Variants in DAPK1 observed in about 807,000 individuals in gnomAD.
DAPK1 encodes death associated protein kinase 1.
A neutral mutation model predicts 144.9 loss-of-function variants in DAPK1; 56 were observed. The observed-to-expected ratio is 0.39, with a 90% CI of 0.31 to 0.48. The LOEUF (loss-of-function observed/expected upper bound fraction) is 0.48. Ranked by LOEUF, DAPK1 falls within the 20% of genes least tolerant of loss-of-function variation. DAPK1 has a pLI of 0.95. For synonymous variants in DAPK1, 690 were observed against 749.0 expected, an observed-to-expected ratio of 0.92 and a Z score of 1.29; for missense variants, 1,454 against 1,875.4, an observed-to-expected ratio of 0.78 and a Z score of 4.15.
At chr9:87,602,309 TCACCAGCCAG>T (rs1407678718) in intron 2 of DAPK1, among the ~76,000 whole-genome samples, 1 of 152,084 alleles carries the variant, frequency 6.6e-6, no homozygotes. Flanking sequence ...TATCCCCTCC[TCACCAGCCAG>T]CACTTTTCGT....
At chr9:87,556,393 T>G (rs1434819766) in intron 2 of DAPK1, among the ~76,000 whole-genome samples, 3 of 152,232 alleles carry the variant, frequency 2.0e-5, no homozygotes, top group African/African-American at 7.2e-5. Context: ...TGTGTGTACC[T>G]GTACCCACTG....
intron 3 of DAPK1, among the ~76,000 whole-genome samples, chr9:87,605,956 G>A (rs1011531049): frequency 2.6e-5 from 4 of 152,198 alleles, no homozygotes; most frequent in African/African-American, 2.4e-5. Context: ...GGATGGAGGC[G>A]AGATGTGAGT....
chr9:87,555,653 G>A (rs1262861417), intron 2 of DAPK1, among the ~76,000 whole-genome samples: 1 of 152,008 alleles, frequency 6.6e-6, no homozygotes, highest in Non-Finnish European at 1.5e-5. Flanking sequence ...ACAGGCATGC[G>A]CCACCACGCC....
intron 19 of DAPK1, among the ~76,000 whole-genome samples, chr9:87,680,538 A>G (rs1170564207): frequency 2.0e-5 from 3 of 152,242 alleles, no homozygotes; most frequent in African/African-American, 4.8e-5. Context: ...GCTATTTAAC[A>G]GTAAGATAAG....
chr9:87,499,542 T>C (rs1283346704), intron 2 of DAPK1, among the ~76,000 whole-genome samples: 1 of 152,242 alleles, frequency 6.6e-6, no homozygotes, highest in Non-Finnish European at 1.5e-5. Context: ...AAAATCTTAG[T>C]ACTTTACCCT....
chr9:87,618,350 A>T lies in DAPK1; in HGVS notation c.284+13175A>T, dbSNP rs112058858. ...TGCTGGTGAGAATGTAAATTGTTCC[A>T]GCCACTTTGGGAAACAGTTTGTCTG... is the stretch of plus-strand genomic sequence containing the variant. On this transcript the variant is annotated intron_variant, in intron 3 of 25. Coordinates refer to ENST00000408954, the MANE Select transcript of DAPK1 (RefSeq NM_004938.4). 5.3e-4 allele frequency among the ~76,000 whole-genome samples: 81 copies of T among 152,342 alleles called. 1 individual carries two copies. Among genetic ancestry groups the T allele is most frequent in the African/African-American group, 1.9e-3 (80 of 41,590 alleles).
In DAPK1 at chr9:87,632,847, A is replaced by T; in HGVS notation, c.285-5096A>T. 3 of 971,472 alleles carry T rather than the reference A, an allele frequency of 3.1e-6. No individual in the cohort carries two copies. The South Asian group carries it at 1.4e-4, about 47-fold the overall frequency. The allele number at this position is 971,472 out of a possible 1,614,324, so 60.2% of individuals were successfully genotyped here. ...ACATATGTAGGTATGAAGGATGATG[A>T]GTACCTATGTAAAAATGAAGGAAGA... On this transcript the variant is annotated intron_variant, in intron 3 of 25. Transcript: ENST00000408954.
intron 13 of DAPK1, 89 bp downstream of exon 13, chr9:87,646,648 G>T: frequency 1.1e-6 from 1 of 951,364 alleles, no homozygotes; most frequent in Non-Finnish European, 1.6e-6. Flanking sequence ...AAAAATTTAT[G>T]TCCTAACTTG....
intron 3 of DAPK1, among the ~76,000 whole-genome samples, chr9:87,612,821 A>T (rs1051077832): frequency 6.6e-6 from 1 of 152,166 alleles, no homozygotes; most frequent in Non-Finnish European, 1.5e-5. Flanking sequence ...CTAACATAAG[A>T]TAAGGAAGAA....
At chr9:87,518,324 C>T (rs370822672) in intron 2 of DAPK1, among the ~76,000 whole-genome samples, 5 of 129,528 alleles carry the variant, frequency 3.9e-5, no homozygotes, top group South Asian at 2.4e-4. Flanking sequence ...GATGGAGTTT[C>T]GCCATGTTGG....
intron 2 of DAPK1, among the ~76,000 whole-genome samples, chr9:87,591,221 G>C (rs1158572199): frequency 6.6e-6 from 1 of 152,170 alleles, no homozygotes; most frequent in Non-Finnish European, 1.5e-5. Flanking sequence ...TGAATGTACA[G>C]GATCTGAAAT....
At chr9:87,499,308 C>G in intron 2 of DAPK1, 169 bp downstream of exon 2, 1 of 641,998 alleles carries the variant, frequency 1.6e-6, no homozygotes, top group South Asian at 1.9e-5. Flanking sequence ...CCGCCTGATC[C>G]AAGGGCCTGG....
At chr9:87,626,391 G>T (rs1829492703) in intron 3 of DAPK1, among the ~76,000 whole-genome samples, 1 of 152,076 alleles carries the variant, frequency 6.6e-6, no homozygotes, top group Admixed American at 6.6e-5. Flanking sequence ...CTCCAGCATG[G>T]GCAACAAGAG....
chr9:87,608,815 C>T (rs1243206240), intron 3 of DAPK1, among the ~76,000 whole-genome samples: 1 of 152,162 alleles, frequency 6.6e-6, no homozygotes, highest in Non-Finnish European at 1.5e-5. Context: ...AGACAGGTCC[C>T]TGGTTATTTG....
In DAPK1 at chr9:87,700,194, T is replaced by A; in HGVS notation, c.2828T>A (p.Val943Glu). The change falls in exon 24 of 26, where the codon GTA (valine) becomes GAA (glutamate). Residue 943 changes from valine (V) to glutamate (E), a missense_variant. Coordinates refer to ENST00000408954, the MANE Select transcript of DAPK1 (RefSeq NM_004938.4). ...AGASGSKDMK[V>E]LRNHLQEIRS... is the part of the protein sequence containing the mutation. ...GCTTCTGGGTCAAAGGACATGAAGG[T>A]ACTTCGAAATCATCTGCAAGAAATA... 1 of 1,608,624 alleles carries A rather than the reference T, an allele frequency of 6.2e-7. No homozygotes were observed. The highest frequency in any genetic ancestry group is 1.1e-5 in the South Asian group (1 of 90,978).
intron 3 of DAPK1, among the ~76,000 whole-genome samples, chr9:87,635,662 AC>A (rs1475273297): frequency 1.3e-5 from 2 of 152,140 alleles, no homozygotes; most frequent in Non-Finnish European, 2.9e-5. Flanking sequence ...GCTGGACCTT[AC>A]CCACGTGCCA....
chr9:87,633,589 G>C (rs1375192628), intron 3 of DAPK1, among the ~76,000 whole-genome samples: 1 of 152,156 alleles, frequency 6.6e-6, no homozygotes, highest in African/African-American at 2.4e-5. Flanking sequence ...TCCCAGTCTT[G>C]ATCAGTCACT....
At chr9:87,655,808 T>A (rs1830610205) in intron 17 of DAPK1, among the ~76,000 whole-genome samples, 1 of 152,172 alleles carries the variant, frequency 6.6e-6, no homozygotes, top group South Asian at 2.1e-4. Context: ...CCTCTTTAAG[T>A]CGGTGCTTCC....
At chr9:87,664,929 A>G (rs2119254918) in intron 18 of DAPK1, among the ~76,000 whole-genome samples, 1 of 152,230 alleles carries the variant, frequency 6.6e-6, no homozygotes, top group South Asian at 2.1e-4. Flanking sequence ...GATGTTCTTC[A>G]AAAGTGCTGG....
Sources: gnomAD v4.1 joint callset for allele counts (sites outside exome capture counted in the v4.1 genomes callset) on GRCh38, gnomAD v4.1.1 for gene constraint, MANE v1.5 for transcripts, NCBI Gene and HGNC (gene_info 2026-07-23, HGNC 2026-07-21) for gene names.